The following LPP variants were observed in gnomAD, a reference collection of about 807,000 sequenced individuals.
LPP encodes lipoma-preferred partner.
A neutral mutation model predicts 60.4 loss-of-function variants in LPP; 38 were observed. The observed-to-expected ratio is 0.63, with a 90% CI of 0.49 to 0.83. The LOEUF is 0.83. Among genes scored for constraint, LPP ranks in the 40% least tolerant of loss-of-function variants. LPP has a pLI of 0.00. For missense variants in LPP, 902 were observed against 783.6 expected, an observed-to-expected ratio of 1.15 and a Z score of -1.80; for synonymous variants, 328 against 290.8, an observed-to-expected ratio of 1.13 and a Z score of -1.30.
At chr3:188,378,034 C>T (rs150849635) in intron 3 of LPP, among the ~76,000 whole-genome samples, 1,765 of 152,242 alleles carry the variant, frequency 0.012, 30 homozygotes, top group African/African-American at 0.038. Context: ...ATTGGTGAAC[C>T]GCAAATGCTG....
chr3:188,825,719 AC>A (rs1483743716), intron 9 of LPP, among the ~76,000 whole-genome samples: 1 of 151,990 alleles, frequency 6.6e-6, no homozygotes, highest in Non-Finnish European at 1.5e-5. Flanking sequence ...CTAGAAAAAG[AC>A]ATACACACAC....
chr3:188,233,115 G>A (rs1720673536), intron 2 of LPP, among the ~76,000 whole-genome samples: 1 of 152,138 alleles, frequency 6.6e-6, no homozygotes, highest in Non-Finnish European at 1.5e-5. Flanking sequence ...CAGATTTCAT[G>A]TTTCCTGAAT....
intron 4 of LPP, among the ~76,000 whole-genome samples, chr3:188,447,921 T>C (rs1795649882): frequency 6.6e-6 from 1 of 152,242 alleles, no homozygotes; most frequent in African/African-American, 2.4e-5. Flanking sequence ...TGTCAAATTA[T>C]CTACTGTTGT....
chr3:188,420,493 A>G (rs1353883169), intron 4 of LPP, among the ~76,000 whole-genome samples: 1 of 152,216 alleles, frequency 6.6e-6, no homozygotes, highest in African/African-American at 2.4e-5. Context: ...TATTAACTAC[A>G]CAATCTCAGA....
chr3:188,173,827 G>T (rs1220901078), intron 1 of LPP, among the ~76,000 whole-genome samples: 1 of 152,166 alleles, frequency 6.6e-6, no homozygotes, highest in Non-Finnish European at 1.5e-5. Flanking sequence ...GATCAGAAAA[G>T]GATCTTCAAG....
intron 9 of LPP, among the ~76,000 whole-genome samples, chr3:188,855,210 G>T (rs181903307): frequency 1.3e-5 from 2 of 152,242 alleles, no homozygotes; most frequent in East Asian, 3.9e-4. Flanking sequence ...TTCTTGCTGA[G>T]GTAGAATAAA....
At chr3:188,203,932 AGAG>A (rs1205539720) in intron 1 of LPP, among the ~76,000 whole-genome samples, 1 of 152,144 alleles carries the variant, frequency 6.6e-6, no homozygotes, top group Non-Finnish European at 1.5e-5. Context: ...GCATTTAAAA[AGAG>A]GAGCTGTGTG....
intron 7 of LPP, among the ~76,000 whole-genome samples, chr3:188,614,588 T>G (rs1438316911): frequency 6.6e-6 from 1 of 152,176 alleles, no homozygotes; most frequent in African/African-American, 2.4e-5. Flanking sequence ...TTGTCTTTCT[T>G]TTTCTGATGA....
intron 3 of LPP, among the ~76,000 whole-genome samples, chr3:188,378,653 G>A (rs1454343837): frequency 6.6e-6 from 1 of 152,164 alleles, no homozygotes; most frequent in Non-Finnish European, 1.5e-5. Flanking sequence ...CTGACCCCTT[G>A]CAATTCCTGG....
intron 3 of LPP, among the ~76,000 whole-genome samples, chr3:188,404,100 G>T (rs562729041): frequency 6.6e-6 from 1 of 152,226 alleles, no homozygotes; most frequent in South Asian, 2.1e-4. Context: ...AAGCAAGATG[G>T]TCATAAAATT....
chr3:188,350,754 T>C (rs1578255498), intron 3 of LPP, among the ~76,000 whole-genome samples: 1 of 152,342 alleles, frequency 6.6e-6, no homozygotes, highest in East Asian at 1.9e-4. Context: ...ATGATGAAGA[T>C]AGGTGGGGTG....
rs191803213 is a variant in LPP at position 188,248,018 on chromosome 3, T to C, written c.-67+22491T>C. Among the ~76,000 whole-genome samples, 225 of 152,198 alleles carry C rather than the reference T, an allele frequency of 1.5e-3. 1 individual carries two copies. Among genetic ancestry groups the C allele is most frequent in the Non-Finnish European group, 2.6e-3 (177 of 68,026 alleles). ...GTCTGTGGGTGAGACCCAAGCTCAGTTACATTTTAAAGCTCCCGAGAGTTT... is the reference window on the plus strand; with the variant it reads ...GTCTGTGGGTGAGACCCAAGCTCAGCTACATTTTAAAGCTCCCGAGAGTTT... On this transcript the variant is annotated intron_variant, in intron 2 of 11. Coordinates refer to ENST00000617246, the MANE Select transcript of LPP (RefSeq NM_001375462.1).
chr3:188,289,991 G>A (rs1409895765), intron 2 of LPP, among the ~76,000 whole-genome samples: 2 of 149,534 alleles, frequency 1.3e-5, no homozygotes, highest in South Asian at 2.1e-4. Flanking sequence ...TCATAAACAT[G>A]CAGGGTTTTT....
intron 9 of LPP, among the ~76,000 whole-genome samples, chr3:188,835,940 G>A (rs765447407): frequency 2.0e-4 from 30 of 152,166 alleles, no homozygotes; most frequent in Admixed American, 3.9e-4. Context: ...TTGTTCCAGG[G>A]TACTTCTTTG....
chr3:188,383,725 T>C (rs1269181911), intron 3 of LPP, among the ~76,000 whole-genome samples: 1 of 152,184 alleles, frequency 6.6e-6, no homozygotes, highest in African/African-American at 2.4e-5. Flanking sequence ...TTATAATATA[T>C]GCAGAATAAT....
At chr3:188,344,513 C>T (rs73192628) in intron 3 of LPP, among the ~76,000 whole-genome samples, 1,600 of 152,246 alleles carry the variant, frequency 0.011, 14 homozygotes, top group Middle Eastern at 0.02. Context: ...GTTTCATCAT[C>T]TAATGACAAA....
intron 2 of LPP, among the ~76,000 whole-genome samples, chr3:188,255,833 A>T (rs558057406): frequency 4.6e-5 from 7 of 152,284 alleles, no homozygotes; most frequent in Admixed American, 2.6e-4. Context: ...CTTTGCCTTT[A>T]GGAGGGTAAA....
intron 2 of LPP, among the ~76,000 whole-genome samples, chr3:188,258,062 C>A (rs2149652692): frequency 6.6e-6 from 1 of 152,350 alleles, no homozygotes; most frequent in East Asian, 1.9e-4. Flanking sequence ...GCTCATGACA[C>A]TTCTGTGTGG....
intron 6 of LPP, among the ~76,000 whole-genome samples, chr3:188,576,450 C>T (rs980690302): frequency 2.0e-4 from 30 of 152,226 alleles, no homozygotes; most frequent in African/African-American, 6.7e-4. Flanking sequence ...GATTTTCATC[C>T]GCTTTATTTT....
Sources: allele counts gnomAD v4.1 joint callset (sites outside exome capture counted in the v4.1 genomes callset), GRCh38; gene constraint gnomAD v4.1.1; transcripts MANE v1.5; gene names NCBI Gene and HGNC (gene_info 2026-07-23, HGNC 2026-07-21).